YJEFN3: variants seen among roughly 807,000 people sequenced by gnomAD.
YJEFN3 encodes the protein yjeF N-terminal domain-containing protein 3.
In YJEFN3, 29 loss-of-function variants were observed where a neutral mutation model predicts 31.5. The observed-to-expected ratio is 0.92, with a 90% CI of 0.69 to 1.26. The LOEUF is 1.26. Among genes scored for constraint, YJEFN3 ranks in the 50% most tolerant of loss-of-function variants. YJEFN3 has a pLI of 0.00. For synonymous variants in YJEFN3, 227 were observed against 196.1 expected, an observed-to-expected ratio of 1.16 and a Z score of -1.32; for missense variants, 442 against 425.4, an observed-to-expected ratio of 1.04 and a Z score of -0.34.
intron 6 of YJEFN3, 29 bp downstream of exon 6, chr19:19,535,708 G>A (rs1197157959): frequency 1.3e-6 from 2 of 1,543,390 alleles, no homozygotes; most frequent in African/African-American, 1.4e-5. Context: ...GGCACATTGG[G>A]GCCTGGGGGG....
At chr19:19,529,643 C>T (rs948627576) in intron 2 of YJEFN3, 130 bp downstream of exon 2, 2 of 1,205,222 alleles carry the variant, frequency 1.7e-6, no homozygotes, top group African/African-American at 3.1e-5. Flanking sequence ...CCAACAGCTC[C>T]TGCCCACTGC....
In YJEFN3 at chr19:19,532,752, C is replaced by G; in HGVS notation, c.318+12C>G. On this transcript the variant is annotated intron_variant, in intron 3 of 6. Transcript: ENST00000514277. ...TGGCTGTGACCAAGGTACCTGACCCCTGACCCCCAACCCTGACCCCAACCA... is the reference window on the plus strand; with the variant it reads ...TGGCTGTGACCAAGGTACCTGACCCGTGACCCCCAACCCTGACCCCAACCA... The G allele has an allele frequency of 6.5e-7, 1 of 1,544,398 alleles. No individual in the cohort carries two copies. The highest frequency in any genetic ancestry group is 8.7e-7 in the Non-Finnish European group (1 of 1,147,226).
Position 19,535,456 on chromosome 19 carries a change from C to T in YJEFN3, c.543+6C>T, listed in dbSNP as rs781518823. The stretch of plus-strand genomic sequence containing the variant: ...TGAGCTACCTGCCCACTGAGGTCAG[C>T]GCTGGGTGGCAAGCAAGGGGGACAT... On this transcript the variant is annotated splice_donor_region_variant and intron_variant, in intron 5 of 6. Transcript: ENST00000514277. 1.6e-5 allele frequency: 26 copies of T among 1,613,722 alleles called. No individual in the cohort carries two copies. The highest frequency in any genetic ancestry group is 1.9e-5 in the Non-Finnish European group (23 of 1,179,898).
rs775328939 is a variant in YJEFN3, at chr19:19,529,381, C to T, written c.77C>T (p.Pro26Leu). ...TCTCCCAGGGCCTTGGAGCTGCAGC[C>T]CCCACTTGCCGACATGGGAAGAGCG... ...RHFLRALELQPPLADMGRAEL... is the reference protein window; with the variant it reads ...RHFLRALELQLPLADMGRAEL... The change falls in exon 2 of 7, where the codon CCC becomes CTC. Residue 26 changes from proline (P) to leucine (L), a missense_variant. Physicochemically the swap from Pro to Leu is moderately conservative, Grantham distance 98 (BLOSUM62 -3). Coordinates refer to ENST00000514277, the MANE Select transcript of YJEFN3 (RefSeq NM_198537.4). The T allele has an allele frequency of 5.0e-6, 8 of 1,613,092 alleles. No homozygotes were observed. Among genetic ancestry groups the T allele is most frequent in the Non-Finnish European group, 6.8e-6 (8 of 1,179,608 alleles).
intron 3 of YJEFN3, chr19:19,533,891 G>A: frequency 1.0e-6 from 1 of 985,560 alleles, no homozygotes; most frequent in Non-Finnish European, 1.2e-6. Context: ...CCAGTCTTGG[G>A]TCTTGGGCTC....
intron 2 of YJEFN3, among the ~76,000 whole-genome samples, chr19:19,530,426 C>T (rs1276094982): frequency 1.3e-5 from 2 of 151,118 alleles, no homozygotes; most frequent in Non-Finnish European, 3.0e-5. Flanking sequence ...GGTTCCTAAC[C>T]TGGACGACCC....
chr19:19,533,549 C>G lies in YJEFN3; in HGVS notation c.318+809C>G, dbSNP rs1263077211. The stretch of plus-strand genomic sequence containing the variant: ...CTTCTCTCCTTTCTCCTTCCTCTCC[C>G]TCCTCCTCCCCCTCCTCCTGTTCTC... On this transcript the variant is annotated intron_variant, in intron 3 of 6. Coordinates refer to ENST00000514277, the MANE Select transcript of YJEFN3 (RefSeq NM_198537.4). 1.2e-5 allele frequency: 9 copies of G among 738,974 alleles called. No individual in the cohort carries two copies. The African/African-American group carries it at 1.6e-4, about 13-fold the overall frequency. 45.8% of individuals were successfully genotyped at this position (738,974 alleles called of 1,614,324 possible).
In YJEFN3 at chr19:19,535,439, CT is replaced by C; in HGVS notation, c.533del (p.Leu178ArgfsTer48). The part of the protein sequence containing the change: ...EKMDIPFLSY[L>X]PTEVQLINEA... ...GATGGACATCCCCTTCCTGAGCTAC[CT>C]GCCCACTGAGGTCAGCGCTGGGTGG... On this transcript the variant is annotated frameshift_variant, in exon 5 of 7. Transcript: ENST00000514277. LOFTEE classifies it high-confidence loss of function. 1 of 1,614,020 alleles carries C rather than the reference CT, an allele frequency of 6.2e-7. No individual in the cohort carries two copies. The highest frequency in any genetic ancestry group is 8.5e-7 in the Non-Finnish European group (1 of 1,179,986).
At chr19:19,531,882 G>A (rs1302811189) in intron 2 of YJEFN3, among the ~76,000 whole-genome samples, 1 of 151,736 alleles carries the variant, frequency 6.6e-6, no homozygotes, top group Non-Finnish European at 1.5e-5. Context: ...CGTACTGCAG[G>A]CACCCACCAC....
At chr19:19,529,733 C>T (rs931387572) in intron 2 of YJEFN3, among the ~76,000 whole-genome samples, 1 of 152,044 alleles carries the variant, frequency 6.6e-6, no homozygotes, top group African/African-American at 2.4e-5. Flanking sequence ...TGTGACTTCA[C>T]CTTGGGGTGA....
rs2061184454 is a variant in YJEFN3 at position 19,534,165 on chromosome 19, G to A, written c.319-869G>A. 1.0e-6 allele frequency: 1 copy of A among 985,594 alleles called. No homozygotes were observed. The highest frequency in any genetic ancestry group is 4.7e-5 in the South Asian group (1 of 21,318). 61.1% of individuals were successfully genotyped at this position (985,594 alleles called of 1,614,324 possible). ...GGGCTGGGGCCAAAATGCCTGGAGA[G>A]ACAGAGTCTGAGAGATACAGAGATG... On this transcript the variant is annotated intron_variant, in intron 3 of 6. Coordinates refer to ENST00000514277, the MANE Select transcript of YJEFN3 (RefSeq NM_198537.4). This position sits in a 1 kb window ranked among gnomAD's most constrained non-coding sequence, Gnocchi z 4.6.
chr19:19,533,542 C>A, intron 3 of YJEFN3: 1 of 717,878 alleles, frequency 1.4e-6, no homozygotes, highest in Non-Finnish European at 1.7e-6. Flanking sequence ...CTTTCTCCTT[C>A]CTCTCCCTCC....
Position 19,537,384 on chromosome 19 carries a change from G to T in YJEFN3, c.760G>T (p.Ala254Ser), listed in dbSNP as rs776014647. 6.3e-7 allele frequency: 1 copy of T among 1,594,386 alleles called. No homozygotes were observed. Among genetic ancestry groups the T allele is most frequent in the South Asian group, 1.1e-5 (1 of 89,974 alleles). Reference sequence around the variant, plus strand: ...GCGGCCTGACGTGCTGGTGTCTCTCGCGGCGCCCAAGCGCTGCGCTGGCCG... The same window carrying T: ...GCGGCCTGACGTGCTGGTGTCTCTCTCGGCGCCCAAGCGCTGCGCTGGCCG... ...GLRPDVLVSL[A>S]APKRCAGRFS... Residue 254 changes from alanine (A) to serine (S), a missense_variant, in exon 7 of 7, where the codon GCG (alanine) becomes TCG (serine). By Grantham distance (99) the Ala-to-Ser change is moderately conservative. Transcript: ENST00000514277.
chr19:19,533,882 C>T (rs544978212), intron 3 of YJEFN3: 1 of 985,542 alleles, frequency 1.0e-6, no homozygotes, highest in African/African-American at 1.7e-5. Flanking sequence ...CCCTCAGTCC[C>T]AGTCTTGGGT....
At chr19:19,530,871 T>G (rs2061149374) in intron 2 of YJEFN3, among the ~76,000 whole-genome samples, 1 of 152,140 alleles carries the variant, frequency 6.6e-6, no homozygotes, top group Non-Finnish European at 1.5e-5. Flanking sequence ...TCTGTCTCCG[T>G]CTTTATGTGT....
At chr19:19,533,533 T>C in intron 3 of YJEFN3, 1 of 655,450 alleles carries the variant, frequency 1.5e-6, no homozygotes, top group Non-Finnish European at 1.9e-6. Context: ...TCTTCTCTCC[T>C]TTCTCCTTCC....
chr19:19,535,542 A>G lies in YJEFN3; in HGVS notation c.557A>G (p.Asn186Ser), dbSNP rs747010379. 1.9e-6 allele frequency: 3 copies of G among 1,599,692 alleles called. No homozygotes were observed. The highest frequency in any genetic ancestry group is 1.7e-4 in the Middle Eastern group (1 of 5,992). ...TGCCTTCCCCAGGTGCAGCTCATTAACGAAGCCTATGGGCTGGTGGTGGAT... is the reference window on the plus strand; with the variant it reads ...TGCCTTCCCCAGGTGCAGCTCATTAGCGAAGCCTATGGGCTGGTGGTGGAT... ...SYLPTEVQLINEAYGLVVDAV... is the reference protein window; with the variant it reads ...SYLPTEVQLISEAYGLVVDAV... The change falls in exon 6 of 7, where the codon AAC (asparagine) becomes AGC (serine). Residue 186 changes from asparagine (N) to serine (S), a missense_variant. Transcript: ENST00000514277.
intron 3 of YJEFN3, chr19:19,533,908 C>T (rs2061182169): frequency 4.1e-6 from 4 of 985,486 alleles, no homozygotes; most frequent in Non-Finnish European, 3.6e-6. Context: ...GCTCTGGGCC[C>T]GGTGTGGCTG....
At chr19:19,530,046 T>G (rs1472985034) in intron 2 of YJEFN3, among the ~76,000 whole-genome samples, 1 of 152,032 alleles carries the variant, frequency 6.6e-6, no homozygotes, top group African/African-American at 2.4e-5. Context: ...GGTGGTCTGG[T>G]GGGCAGAGGT....
Sources: gnomAD v4.1 joint callset for allele counts (sites outside exome capture counted in the v4.1 genomes callset) on GRCh38, gnomAD v4.1.1 for gene constraint, Gnocchi (gnomAD v3.1) non-coding constraint, MANE v1.5 for transcripts, NCBI Gene and HGNC (gene_info 2026-07-23, HGNC 2026-07-21) for gene names.